RBFOX1: variants seen among roughly 807,000 people sequenced by gnomAD.
RBFOX1 encodes the protein RNA binding fox-1 homolog 1.
Under a neutral mutation model 57.7 loss-of-function variants are expected in RBFOX1, and 8 were observed. That is an observed-to-expected ratio of 0.14 (90% CI 0.08 to 0.25). The LOEUF (loss-of-function observed/expected upper bound fraction) is 0.25. RBFOX1 is among the 10% of genes least tolerant of loss of function. The probability of loss-of-function intolerance (pLI) is 1.00; values close to 1 mark genes in which losing one functional copy is unlikely to be tolerated. For synonymous variants in RBFOX1, 326 were observed against 222.4 expected (o/e 1.47, Z -4.15); for missense variants, 611 against 548.5 (o/e 1.11, Z -1.14).
chr16:7,282,274 T>C (rs1294389780), intron 4 of RBFOX1, among the ~76,000 whole-genome samples: 1 of 152,162 alleles, frequency 6.6e-6, no homozygotes, highest in Non-Finnish European at 1.5e-5. Flanking sequence ...GTAAATGGCA[T>C]TTGCAAAGGG....
intron 2 of RBFOX1, among the ~76,000 whole-genome samples, chr16:5,482,044 T>C (rs2069562329): frequency 6.6e-6 from 1 of 152,184 alleles, no homozygotes; most frequent in Non-Finnish European, 1.5e-5. Context: ...CAGCCTCTTC[T>C]TAGGTAGTGA....
At chr16:7,166,088 A>G (rs554111837) in intron 4 of RBFOX1, among the ~76,000 whole-genome samples, 50 of 152,136 alleles carry the variant, frequency 3.3e-4, no homozygotes, top group African/African-American at 1.0e-3. Flanking sequence ...ATCTCAGCCC[A>G]CTGTAACTTC....
chr16:6,487,031 A>T (rs530801832), intron 2 of RBFOX1, among the ~76,000 whole-genome samples: 1 of 152,256 alleles, frequency 6.6e-6, no homozygotes, highest in South Asian at 2.1e-4. Context: ...AAACCATCGC[A>T]TATTAAATTA....
At chr16:5,676,090 G>A (rs1270308287) in intron 3 of RBFOX1, among the ~76,000 whole-genome samples, 1 of 152,072 alleles carries the variant, frequency 6.6e-6, no homozygotes, top group African/African-American at 2.4e-5. Context: ...GGCCTGCTGG[G>A]GCATTGAGGG....
intron 3 of RBFOX1, among the ~76,000 whole-genome samples, chr16:7,004,565 C>T (rs948153052): frequency 6.6e-6 from 1 of 152,154 alleles, no homozygotes; most frequent in East Asian, 1.9e-4. Context: ...AGCTATGTAT[C>T]TAAGGTTTAT....
intron 3 of RBFOX1, among the ~76,000 whole-genome samples, chr16:6,925,524 G>A (rs2075411980): frequency 6.6e-6 from 1 of 151,310 alleles, no homozygotes; most frequent in African/African-American, 2.4e-5. Flanking sequence ...AATTTCCGGG[G>A]GGGCAGGGAT....
intron 4 of RBFOX1, among the ~76,000 whole-genome samples, chr16:7,306,957 T>C (rs1303705348): frequency 2.0e-5 from 3 of 152,236 alleles, no homozygotes; most frequent in African/African-American, 7.2e-5. Context: ...TAGCTAATTT[T>C]GGTGAACAGA....
intron 4 of RBFOX1, among the ~76,000 whole-genome samples, chr16:7,369,761 G>A (rs757665043): frequency 6.6e-6 from 1 of 152,130 alleles, no homozygotes; most frequent in African/African-American, 2.4e-5. Context: ...GTTTTGTAAT[G>A]TGATTGAAAA....
At chr16:6,363,769 G>A (rs913025830) in intron 2 of RBFOX1, among the ~76,000 whole-genome samples, 1 of 152,192 alleles carries the variant, frequency 6.6e-6, no homozygotes, top group Non-Finnish European at 1.5e-5. Context: ...CCCAGTGACA[G>A]AACTAATAAT....
upstream of RBFOX1, among the ~76,000 whole-genome samples, chr16:6,016,261 G>A (rs140461022): frequency 7.7e-4 from 117 of 152,176 alleles, no homozygotes; most frequent in African/African-American, 2.6e-3. Context: ...CTGTGCCTAT[G>A]GGGGGCTGGG....
intron 3 of RBFOX1, among the ~76,000 whole-genome samples, chr16:6,818,810 C>T (rs1283572144): frequency 6.6e-6 from 1 of 152,152 alleles, no homozygotes; most frequent in Non-Finnish European, 1.5e-5. Flanking sequence ...TCCTGGCCTC[C>T]CTGACTGGTC....
At chr16:7,390,438 G>C (rs372816722) in intron 4 of RBFOX1, among the ~76,000 whole-genome samples, 1 of 152,202 alleles carries the variant, frequency 6.6e-6, no homozygotes, top group African/African-American at 2.4e-5. Context: ...TTAAGTTTCA[G>C]TTGCAGGGAC....
At chr16:6,556,285 G>A (rs888889983) in intron 2 of RBFOX1, among the ~76,000 whole-genome samples, 7 of 152,138 alleles carry the variant, frequency 4.6e-5, no homozygotes, top group Non-Finnish European at 8.8e-5. Context: ...TCAGTCAGGG[G>A]GAGATTTTAT....
At chr16:6,984,091 T>C (rs2089665176) in intron 3 of RBFOX1, among the ~76,000 whole-genome samples, 1 of 152,006 alleles carries the variant, frequency 6.6e-6, no homozygotes, top group South Asian at 2.1e-4. Flanking sequence ...CTACTAAAAA[T>C]ACGAAATTAG....
At chr16:6,714,848 T>G (rs1344741668) in intron 3 of RBFOX1, among the ~76,000 whole-genome samples, 1 of 151,998 alleles carries the variant, frequency 6.6e-6, no homozygotes, top group Non-Finnish European at 1.5e-5. Context: ...AGGCTGCGTT[T>G]GAGGTTCTGT....
intron 1 of RBFOX1, among the ~76,000 whole-genome samples, chr16:6,184,385 A>G (rs2097091283): frequency 6.6e-6 from 1 of 152,150 alleles, no homozygotes; most frequent in African/African-American, 2.4e-5. Context: ...AGAAGGAGAC[A>G]TTACACTCAT....
intron 4 of RBFOX1, among the ~76,000 whole-genome samples, chr16:7,354,479 C>G (rs780259244): frequency 6.6e-6 from 1 of 152,162 alleles, no homozygotes; most frequent in Non-Finnish European, 1.5e-5. Context: ...CTAGCACCAG[C>G]TGAGACTGTC....
intron 1 of RBFOX1, among the ~76,000 whole-genome samples, chr16:5,406,000 T>C (rs986217879): frequency 6.6e-6 from 1 of 152,170 alleles, no homozygotes; most frequent in Non-Finnish European, 1.5e-5. Flanking sequence ...GGACATCCTA[T>C]TACATAAAAT....
At chr16:5,812,563 G>C (rs1050017555) in intron 3 of RBFOX1, among the ~76,000 whole-genome samples, 1 of 151,206 alleles carries the variant, frequency 6.6e-6, no homozygotes, top group African/African-American at 2.4e-5. Context: ...GGCTCAGGGG[G>C]ATCTTCTCCC....
Sources: gnomAD v4.1 joint callset for allele counts (sites outside exome capture counted in the v4.1 genomes callset) on GRCh38, gnomAD v4.1.1 for gene constraint, MANE v1.5 for transcripts, NCBI Gene and HGNC (gene_info 2026-07-23, HGNC 2026-07-21) for gene names.